Variants in CEP85L observed in about 807,000 individuals in gnomAD.
CEP85L encodes the protein centrosomal protein of 85 kDa-like.
CEP85L carries 60 observed loss-of-function variants against 100.3 expected under a neutral mutation model. The observed-to-expected ratio is 0.60, with a 90% CI of 0.49 to 0.74. The LOEUF (loss-of-function observed/expected upper bound fraction) is 0.74, where lower values mean the gene tolerates loss of function less well. Ranked by LOEUF, CEP85L falls within the 30% of genes least tolerant of loss-of-function variation. CEP85L has a pLI of 0.00. For synonymous variants in CEP85L, 319 were observed against 322.7 expected (o/e 0.99, Z 0.12); for missense variants, 973 against 936.2 (o/e 1.04, Z -0.51).
intron 5 of CEP85L, among the ~76,000 whole-genome samples, chr6:118,495,844 A>G (rs1774883578): frequency 6.6e-6 from 1 of 152,244 alleles, no homozygotes; most frequent in Non-Finnish European, 1.5e-5. Flanking sequence ...AAGAGGATGA[A>G]TGAGTCACTG....
chr6:118,638,342 T>G (rs541491860), intron 1 of CEP85L, among the ~76,000 whole-genome samples: 6 of 152,274 alleles, frequency 3.9e-5, no homozygotes, highest in Admixed American at 1.3e-4. Flanking sequence ...ACACTGAAGA[T>G]GATTAACAAA....
rs1774595361 is a variant in CEP85L, at chr6:118,491,834, G to C, written c.1289C>G (p.Pro430Arg). The C allele has an allele frequency of 6.2e-7, 1 of 1,611,338 alleles. No individual in the cohort carries two copies. Among genetic ancestry groups the C allele is most frequent in the Non-Finnish European group, 8.5e-7 (1 of 1,179,198 alleles). The change falls in exon 6 of 13, where the codon CCA becomes CGA. Residue 430 changes from proline to arginine, a missense_variant. Coordinates refer to ENST00000368491, the MANE Select transcript of CEP85L (RefSeq NM_001042475.3). The part of the protein sequence containing the change: ...PQYENTSLQT[P>R]FSEESVSHSQ... ...ATGGGAAACTGATTCCTCTGAAAAT[G>C]GTGTCTGGAGTGAAGTGTTCTCATA...
At chr6:118,523,983 T>C in intron 3 of CEP85L, 63 bp from the exon 4 acceptor site, 1 of 635,412 alleles carries the variant, frequency 1.6e-6, no homozygotes, top group Non-Finnish European at 2.5e-6. Flanking sequence ...TTATATATTA[T>C]CATATTTTCC....
chr6:118,597,093 CCT>C (rs1200796900), intron 2 of CEP85L, among the ~76,000 whole-genome samples: 1 of 152,108 alleles, frequency 6.6e-6, no homozygotes, highest in South Asian at 2.1e-4. Context: ...CTCCTGACAC[CCT>C]GTTAAGAGGT....
At chr6:118,601,943 G>A (rs990460609) in intron 2 of CEP85L, among the ~76,000 whole-genome samples, 2 of 152,194 alleles carry the variant, frequency 1.3e-5, no homozygotes, top group African/African-American at 4.8e-5. Flanking sequence ...ATCCTGTGAT[G>A]TAGAGTGCCT....
At chr6:118,685,805 GAAAGGAGAA>G (rs548224877) in intron 1 of CEP85L, among the ~76,000 whole-genome samples, 243 of 152,234 alleles carry the variant, frequency 1.6e-3, no homozygotes, top group African/African-American at 5.5e-3. Context: ...AAGAGAGGAA[GAAAGGAGAA>G]AAAGGAGGAA....
At chr6:118,513,468 A>T (rs894709455) in intron 4 of CEP85L, among the ~76,000 whole-genome samples, 2 of 152,180 alleles carry the variant, frequency 1.3e-5, no homozygotes, top group African/African-American at 4.8e-5. Flanking sequence ...AAAAAAGATA[A>T]ATCCATTCAA....
intron 1 of CEP85L, among the ~76,000 whole-genome samples, chr6:118,659,279 G>A (rs1395085854): frequency 1.3e-5 from 2 of 152,116 alleles, no homozygotes; most frequent in Admixed American, 1.3e-4. Flanking sequence ...TGCATATGCT[G>A]TGGATGATGA....
chr6:118,666,674 C>T (rs1489484652), intron 1 of CEP85L, among the ~76,000 whole-genome samples: 1 of 152,068 alleles, frequency 6.6e-6, no homozygotes, highest in Non-Finnish European at 1.5e-5. Flanking sequence ...TCATTAACTG[C>T]TACTCTCTAC....
intron 3 of CEP85L, among the ~76,000 whole-genome samples, chr6:118,562,675 A>G (rs1407629299): frequency 2.0e-5 from 3 of 152,088 alleles, no homozygotes; most frequent in African/African-American, 7.2e-5. Context: ...TTTTTTGTTT[A>G]TACAAGGGAA....
Position 118,481,840 on chromosome 6 carries a change from T to C in CEP85L, c.1684A>G (p.Lys562Glu). 1 of 1,599,952 alleles carries C rather than the reference T, an allele frequency of 6.3e-7. No homozygotes were observed. Among genetic ancestry groups the C allele is most frequent in the Non-Finnish European group, 8.5e-7 (1 of 1,171,988 alleles). ...TTCTGGCATATTAACTGTGTCTCTT[T>C]ATCTTGACACTGCTTTTTGATCTCT... ...LEEIKKQCQD[K>E]ETQLICQKKK... The change falls in exon 8 of 13, where the codon AAA (lysine) becomes GAA (glutamate). Residue 562 changes from lysine to glutamate, a missense_variant. Physicochemically the swap from Lys to Glu is moderately conservative, Grantham distance 56. Around this residue, in one of 3 missense-constraint regions of CEP85L, gnomAD observed 890 missense variants for 844.5 expected, o/e 1.05. Transcript: ENST00000368491.
intron 2 of CEP85L, among the ~76,000 whole-genome samples, chr6:118,600,169 C>G (rs930871118): frequency 2.6e-5 from 4 of 151,916 alleles, no homozygotes; most frequent in Non-Finnish European, 5.9e-5. Flanking sequence ...TTCTCCCTCA[C>G]AGGAGATGGA....
chr6:118,568,026 T>C (rs1779652924), intron 2 of CEP85L, among the ~76,000 whole-genome samples: 1 of 152,176 alleles, frequency 6.6e-6, no homozygotes, highest in African/African-American at 2.4e-5. Flanking sequence ...CCTGAAACTA[T>C]GATGCAGACA....
At chr6:118,555,931 T>C (rs1442174268) in intron 3 of CEP85L, among the ~76,000 whole-genome samples, 1 of 152,160 alleles carries the variant, frequency 6.6e-6, no homozygotes, top group Non-Finnish European at 1.5e-5. Context: ...GTTAGTTTGC[T>C]AGGGATAATG....
intron 2 of CEP85L, among the ~76,000 whole-genome samples, chr6:118,614,865 C>CAGACAGACAGACAGACAGACAGACAGAT: frequency 2.0e-5 from 3 of 149,974 alleles, no homozygotes; most frequent in African/African-American, 7.4e-5. Flanking sequence ...GACAGACAGA[C>CAGACAGACAGACAGACAGACAGACAGAT]AGATAGATAG....
intron 2 of CEP85L, among the ~76,000 whole-genome samples, chr6:118,605,422 C>T (rs448134): frequency 0.02 from 2,978 of 152,228 alleles, 91 homozygotes; most frequent in African/African-American, 0.067. Context: ...GTGCCCCTCC[C>T]TAACTACTAT....
chr6:118,699,213 G>A (rs935306205), intron 1 of CEP85L, among the ~76,000 whole-genome samples: 1 of 152,158 alleles, frequency 6.6e-6, no homozygotes. Flanking sequence ...AGCACTTTGG[G>A]AGGCTGAGGT....
At chr6:118,663,947 C>T (rs1776053467) in intron 1 of CEP85L, among the ~76,000 whole-genome samples, 1 of 141,826 alleles carries the variant, frequency 7.1e-6, no homozygotes, top group African/African-American at 2.6e-5. Flanking sequence ...TTTTCTGAGA[C>T]AGAATCTTGC....
At chr6:118,685,831 A>C (rs1407075975) in intron 1 of CEP85L, among the ~76,000 whole-genome samples, 2 of 152,272 alleles carry the variant, frequency 1.3e-5, no homozygotes, top group African/African-American at 4.8e-5. Flanking sequence ...GGAAAAAGGT[A>C]GTAAAAAATG....
Sources: allele counts gnomAD v4.1 joint callset (sites outside exome capture counted in the v4.1 genomes callset), GRCh38; gene constraint gnomAD v4.1.1; regional missense constraint gnomAD v4.1.1; transcripts MANE v1.5; gene names NCBI Gene and HGNC (gene_info 2026-07-23, HGNC 2026-07-21).